The following SEC62 variants were observed in gnomAD, a reference collection of about 807,000 sequenced individuals.
SEC62 encodes the protein translocation protein SEC62.
SEC62 carries 10 observed loss-of-function variants against 47.5 expected under a neutral mutation model. The observed-to-expected ratio is 0.21, with a 90% CI of 0.13 to 0.36. The LOEUF (loss-of-function observed/expected upper bound fraction) is 0.36, where lower values mean the gene tolerates loss of function less well. Among genes scored for constraint, SEC62 ranks in the 10% least tolerant of loss-of-function variants. The pLI is 1.00. For synonymous variants in SEC62, 136 were observed against 150.5 expected (o/e 0.90, Z 0.71); for missense variants, 327 against 464.1 (o/e 0.70, Z 2.71).
At chr3:169,990,051 A>G (rs183423560) in intron 7 of SEC62, among the ~76,000 whole-genome samples, 3 of 148,042 alleles carry the variant, frequency 2.0e-5, no homozygotes, top group East Asian at 3.9e-4. Context: ...ATATCATATG[A>G]TATGTCATAT....
chr3:169,970,464 ATACT>A (rs1191025015), intron 1 of SEC62, among the ~76,000 whole-genome samples: 1 of 152,214 alleles, frequency 6.6e-6, no homozygotes, highest in Non-Finnish European at 1.5e-5. Flanking sequence ...TGCCTGTGAC[ATACT>A]TACTCTTGAT....
chr3:169,986,509 G>A (rs975985937), intron 6 of SEC62, among the ~76,000 whole-genome samples: 1 of 151,906 alleles, frequency 6.6e-6, no homozygotes, highest in Non-Finnish European at 1.5e-5. Context: ...TTGCACAAAC[G>A]TACATGTGCA....
At chr3:169,990,496 G>A (rs1226279236) in intron 7 of SEC62, among the ~76,000 whole-genome samples, 3 of 151,874 alleles carry the variant, frequency 2.0e-5, no homozygotes, top group African/African-American at 7.3e-5. Flanking sequence ...GCGAAAAACT[G>A]TAAAACATGA....
rs200790715 is a variant in SEC62 at position 169,966,811 on chromosome 3, G to A, written c.-12G>A. On this transcript the variant is annotated 5_prime_UTR_variant, in exon 1 of 8. Transcript: ENST00000337002. ...CGCTCCACGTCAGAGGGAACCGGGC[G>A]GAGCGGCCAACATGGCGGAACGCAG... 1.3e-6 allele frequency: 2 copies of A among 1,552,806 alleles called. No individual in the cohort carries two copies. The highest frequency in any genetic ancestry group is 2.4e-5 in the East Asian group (1 of 41,008).
At chr3:169,990,981 G>A (rs534182510) in intron 7 of SEC62, among the ~76,000 whole-genome samples, 12 of 152,138 alleles carry the variant, frequency 7.9e-5, no homozygotes, top group East Asian at 5.8e-4. Flanking sequence ...TGATTAGTCT[G>A]TAACATTCAC....
chr3:169,966,880 C>A (rs1374771374), intron 1 of SEC62, 22 bp downstream of exon 1: 41 of 1,485,132 alleles, frequency 2.8e-5, no homozygotes, highest in Non-Finnish European at 3.6e-5. Flanking sequence ...GAGCTCTGGG[C>A]AGGGGGCTTC....
chr3:169,981,110 C>T (rs1204173772), intron 3 of SEC62, among the ~76,000 whole-genome samples: 1 of 152,142 alleles, frequency 6.6e-6, no homozygotes, highest in Non-Finnish European at 1.5e-5. Flanking sequence ...ATTAAGGTCT[C>T]ATTTCAGATT....
chr3:169,995,143 CT>C lies in SEC62; in HGVS notation c.*2082del, dbSNP rs566237577. ...TCTTTCTTGGCTAACATTAAATATTCTTGTACCAGAGCATGGAAAATCGTTT... is the reference window on the plus strand; with the variant it reads ...TCTTTCTTGGCTAACATTAAATATTCTGTACCAGAGCATGGAAAATCGTTT... On this transcript the variant is annotated 3_prime_UTR_variant, in exon 8 of 8. Transcript: ENST00000337002. 1.2e-3 allele frequency: 181 copies of C among 152,236 alleles called. 1 individual carries two copies. Among genetic ancestry groups the C allele is most frequent in the African/African-American group, 4.2e-3 (173 of 41,564 alleles). 9.4% of individuals were successfully genotyped at this position (152,236 alleles called of 1,614,324 possible).
At position 169,988,251 on chromosome 3, in the gene SEC62, A is replaced by G. The variant is rs1398039986; in HGVS notation, c.622A>G (p.Ile208Val). The change falls in exon 7 of 8, where the codon ATA becomes GTA. Residue 208 changes from isoleucine to valine, a missense_variant. Ile to Val is a conservative substitution (Grantham distance 29). Around this residue, in one of 3 missense-constraint regions of SEC62, gnomAD observed 99 missense variants for 194.0 expected, o/e 0.51. Transcript: ENST00000337002. ...ATTTCTTGTTCCAGTGATTGCAGTA[A>G]TAGCGGCCACCCTCTTCCCCCTTTG... ...VMGLILVIAV[I>V]AATLFPLWPA... The G allele has an allele frequency of 5.0e-6, 8 of 1,613,548 alleles. No individual in the cohort carries two copies. In the African/African-American group the frequency reaches 8.0e-5, roughly 16 times the overall value.
In SEC62 at chr3:169,966,827, C is replaced by G. The variant is rs1339101671; in HGVS notation, c.5C>G (p.Ala2Gly). The G allele has an allele frequency of 5.1e-6, 8 of 1,554,454 alleles. No individual in the cohort carries two copies. The highest frequency in any genetic ancestry group is 5.2e-6 in the Non-Finnish European group (6 of 1,148,754). Residue 2 changes from alanine to glycine, a missense_variant, in exon 1 of 8, where the codon GCG becomes GGG. Ala to Gly is a moderately conservative substitution (Grantham distance 60). Coordinates refer to ENST00000337002, the MANE Select transcript of SEC62 (RefSeq NM_003262.4). The stretch of plus-strand genomic sequence containing the variant: ...GAACCGGGCGGAGCGGCCAACATGG[C>G]GGAACGCAGGAGACACAAGAAGCGG... The part of the protein sequence containing the change: M[A>G]ERRRHKKRIQ...
intron 5 of SEC62, chr3:169,985,141 A>G (rs1405614244): frequency 6.6e-6 from 1 of 151,898 alleles, no homozygotes; most frequent in African/African-American, 2.4e-5. Context: ...ATCTGTCTTA[A>G]CTGCGCTTTT....
chr3:169,975,441 C>A, intron 1 of SEC62, 167 bp from the exon 2 acceptor site: 1 of 493,234 alleles, frequency 2.0e-6, no homozygotes, highest in Non-Finnish European at 3.7e-6. Context: ...TTCTTTAAAT[C>A]TCCATTTTTG....
chr3:169,996,646 G>A lies in SEC62; in HGVS notation c.*3583G>A, dbSNP rs1715383552. On this transcript the variant is annotated 3_prime_UTR_variant, in exon 8 of 8. Coordinates refer to ENST00000337002, the MANE Select transcript of SEC62 (RefSeq NM_003262.4). ...GGAGTGTCCTGGCCAGAGATCAGAG[G>A]ATGGTAGGGTGCCTATTCTCGGCTC... The A allele has an allele frequency of 6.6e-6, 1 of 152,312 alleles. No homozygotes were observed. Among genetic ancestry groups the A allele is most frequent in the African/African-American group, 2.4e-5 (1 of 41,456 alleles). 9.4% of individuals were successfully genotyped at this position (152,312 alleles called of 1,614,324 possible). A position where few individuals can be genotyped will look rare whatever the true frequency, so the allele number is the denominator to read the frequency against.
intron 6 of SEC62, among the ~76,000 whole-genome samples, chr3:169,986,927 A>G (rs1715123263): frequency 1.3e-5 from 2 of 151,412 alleles, no homozygotes; most frequent in African/African-American, 2.4e-5. Flanking sequence ...GGGTTTCGCC[A>G]TGTTGCCCAG....
chr3:169,993,078 GGAC>G lies in SEC62; in HGVS notation c.*16_*18del. 6.4e-7 allele frequency: 1 copy of G among 1,553,304 alleles called. No individual in the cohort carries two copies. The highest frequency in any genetic ancestry group is 8.7e-7 in the Non-Finnish European group (1 of 1,148,552). On this transcript the variant is annotated 3_prime_UTR_variant, in exon 8 of 8. Transcript: ENST00000337002. The stretch of plus-strand genomic sequence containing the variant: ...AAAAATCATAATCTGACTAATTTTG[GGAC>G]TGAATGAATAAGTACAAGAGGTTGG...
Position 169,992,297 on chromosome 3 carries a change from G to A in SEC62, c.731-297G>A, listed in dbSNP as rs916761822. ...CCTCAAGTTCAGAGCAACATTCTGT[G>A]CCCCTAGAATACCGTGATAGCTGCT... On this transcript the variant is annotated intron_variant, in intron 7 of 7. Transcript: ENST00000337002. This position sits in a 1 kb window ranked among gnomAD's most constrained non-coding sequence, Gnocchi z 4.0. Among the ~76,000 whole-genome samples the A allele has an allele frequency of 6.6e-6, 1 of 152,072 alleles. No individual in the cohort carries two copies. Among genetic ancestry groups the A allele is most frequent in the African/African-American group, 2.4e-5 (1 of 41,400 alleles).
At chr3:169,989,985 G>T (rs1715200795) in intron 7 of SEC62, among the ~76,000 whole-genome samples, 2 of 142,272 alleles carry the variant, frequency 1.4e-5, no homozygotes, top group South Asian at 2.2e-4. Context: ...GAATATATAT[G>T]ATATATAGAT....
chr3:169,967,559 A>T (rs1301061740), intron 1 of SEC62, among the ~76,000 whole-genome samples: 1 of 152,152 alleles, frequency 6.6e-6, no homozygotes, highest in African/African-American at 2.4e-5. Flanking sequence ...AACCTTTCAC[A>T]TGCCAGTGTG....
intron 3 of SEC62, among the ~76,000 whole-genome samples, chr3:169,977,435 A>G (rs1001231150): frequency 3.9e-5 from 6 of 152,060 alleles, no homozygotes; most frequent in African/African-American, 1.4e-4. Flanking sequence ...TAGTGCCTGC[A>G]CCCTGAGCCA....
Sources: allele counts gnomAD v4.1 joint callset (sites outside exome capture counted in the v4.1 genomes callset), GRCh38; gene constraint gnomAD v4.1.1; regional missense constraint gnomAD v4.1.1; non-coding constraint Gnocchi (gnomAD v3.1); transcripts MANE v1.5; gene names NCBI Gene and HGNC (gene_info 2026-07-23, HGNC 2026-07-21).